ACO2: variants seen among roughly 807,000 people sequenced by gnomAD.
ACO2 encodes the protein aconitate hydratase, mitochondrial.
In ACO2, 31 loss-of-function variants were observed where a neutral mutation model predicts 84.5. The observed-to-expected ratio is 0.37, with a 90% CI of 0.28 to 0.50. The LOEUF (loss-of-function observed/expected upper bound fraction) is 0.50. ACO2 is among the 20% of genes least tolerant of loss of function. ACO2 has a pLI of 0.97. For synonymous variants in ACO2, 414 were observed against 412.7 expected (o/e 1.00, Z -0.04); for missense variants, 685 against 1,029.3 (o/e 0.67, Z 4.58).
At chr22:41,526,505 G>A (rs748125758) in intron 15 of ACO2, 52 bp downstream of exon 15, 4 of 1,564,474 alleles carry the variant, frequency 2.6e-6, no homozygotes, top group Non-Finnish European at 3.5e-6. Context: ...GAAGGGGCCT[G>A]CAAGGCAGGT....
chr22:41,500,938 A>G (rs2066349862), intron 2 of ACO2, among the ~76,000 whole-genome samples: 1 of 151,770 alleles, frequency 6.6e-6, no homozygotes, highest in African/African-American at 2.4e-5. Flanking sequence ...TCCTGACCTC[A>G]GGTGATCCAC....
At chr22:41,524,737 A>C in intron 12 of ACO2, 109 bp from the exon 13 acceptor site, 1 of 1,535,582 alleles carries the variant, frequency 6.5e-7, no homozygotes, top group Non-Finnish European at 8.9e-7. Flanking sequence ...TGGGAAGAAC[A>C]TGGAAATTTC....
chr22:41,526,713 A>C, intron 15 of ACO2: 1 of 434,784 alleles, frequency 2.3e-6, no homozygotes, highest in Admixed American at 3.8e-5. Flanking sequence ...CCCTAGACAA[A>C]GACAAGGAAG....
At chr22:41,517,723 G>T (rs2066486954) in intron 7 of ACO2, 92 bp downstream of exon 7, 6 of 1,164,552 alleles carry the variant, frequency 5.2e-6, no homozygotes, top group Non-Finnish European at 7.6e-6. Flanking sequence ...TAGGGCAGGG[G>T]TTCTTAACCC....
chr22:41,518,629 G>A (rs1023315097), intron 8 of ACO2, 57 bp downstream of exon 8: 13 of 1,356,448 alleles, frequency 9.6e-6, no homozygotes, highest in Admixed American at 1.7e-5. Context: ...GGAGCAGGGC[G>A]GGTCCTGCCT....
At chr22:41,527,579 A>G in intron 16 of ACO2, 159 bp downstream of exon 16, 1 of 1,060,108 alleles carries the variant, frequency 9.4e-7, no homozygotes, top group Non-Finnish European at 1.3e-6. Context: ...CACAGTGCAC[A>G]TCCGACGCTC....
At chr22:41,472,647 C>T (rs1395421413) in intron 1 of ACO2, among the ~76,000 whole-genome samples, 3 of 152,070 alleles carry the variant, frequency 2.0e-5, no homozygotes, top group Non-Finnish European at 1.5e-5. Flanking sequence ...ATGGGGGTCT[C>T]GCTATGTTGC....
At chr22:41,521,679 A>G (rs2066527722) in intron 9 of ACO2, 1 of 152,250 alleles carries the variant, frequency 6.6e-6, no homozygotes, top group Non-Finnish European at 1.5e-5. Flanking sequence ...TTTTAAGAAA[A>G]AAAATATTTG....
chr22:41,469,275 C>A, intron 1 of ACO2, 93 bp downstream of exon 1: 8 of 1,456,474 alleles, frequency 5.5e-6, no homozygotes, highest in Non-Finnish European at 7.4e-6. Flanking sequence ...GCGGGCCCAA[C>A]CTGGGGCCAA....
At chr22:41,528,429 A>G in intron 17 of ACO2, 50 bp from the exon 18 acceptor site, 1 of 1,597,636 alleles carries the variant, frequency 6.3e-7, no homozygotes, top group Non-Finnish European at 8.5e-7. Context: ...TGCGGGGCCA[A>G]GGGCACACAG....
At chr22:41,486,551 A>G (rs968512485) in intron 1 of ACO2, among the ~76,000 whole-genome samples, 2 of 148,360 alleles carry the variant, frequency 1.3e-5, no homozygotes, top group Non-Finnish European at 3.0e-5. Flanking sequence ...GCTCACTGCA[A>G]GCTCCACCTC....
chr22:41,470,528 C>CT (rs71184811), intron 1 of ACO2, among the ~76,000 whole-genome samples: 1,464 of 95,680 alleles, frequency 0.015, 103 homozygotes, highest in Non-Finnish European at 0.021. Flanking sequence ...CTCTTTACAT[C>CT]TTTTTTTTTT....
At chr22:41,505,832 C>G (rs1361620995) in intron 2 of ACO2, among the ~76,000 whole-genome samples, 1 of 152,116 alleles carries the variant, frequency 6.6e-6, no homozygotes, top group African/African-American at 2.4e-5. Context: ...GATTGTGGTG[C>G]TGGTTTCACA....
In ACO2 at chr22:41,515,274, G is replaced by A; in HGVS notation, c.526-103G>A. Reference sequence around the variant, plus strand: ...GGCTGCTCCTACCAGTTCCATCCTGGGAGAGTGGCTGGACGTGGTTGGGAG... The same window carrying A: ...GGCTGCTCCTACCAGTTCCATCCTGAGAGAGTGGCTGGACGTGGTTGGGAG... On this transcript the variant is annotated intron_variant, in intron 4 of 17. Coordinates refer to ENST00000216254, the MANE Select transcript of ACO2 (RefSeq NM_001098.3). This position sits in a 1 kb window ranked among gnomAD's most constrained non-coding sequence, Gnocchi z 5.8. The A allele has an allele frequency of 7.3e-7, 1 of 1,371,594 alleles. No homozygotes were observed. The highest frequency in any genetic ancestry group is 1.0e-6 in the Non-Finnish European group (1 of 966,954). The allele number at this position is 1,371,594 out of a possible 1,614,324, so 85.0% of individuals were successfully genotyped here.
At chr22:41,492,696 C>T (rs2066280492) in intron 1 of ACO2, among the ~76,000 whole-genome samples, 1 of 152,100 alleles carries the variant, frequency 6.6e-6, no homozygotes, top group South Asian at 2.1e-4. Context: ...TCGCTTGAAC[C>T]TGGGAGGCAG....
intron 1 of ACO2, among the ~76,000 whole-genome samples, chr22:41,485,015 T>C (rs2038135295): frequency 6.6e-6 from 1 of 151,432 alleles, no homozygotes; most frequent in African/African-American, 2.4e-5. Flanking sequence ...GCTGGGATTA[T>C]AGGCGTGTGC....
At chr22:41,527,480 T>A in intron 16 of ACO2, 60 bp downstream of exon 16, 1 of 1,548,058 alleles carries the variant, frequency 6.5e-7, no homozygotes, top group Non-Finnish European at 8.7e-7. Context: ...AAGGTCACTC[T>A]CCCTGCCCGT....
chr22:41,521,090 A>G (rs1231399477), intron 9 of ACO2, among the ~76,000 whole-genome samples: 3 of 151,786 alleles, frequency 2.0e-5, no homozygotes, highest in Non-Finnish European at 4.4e-5. Context: ...TTTTCTTGGC[A>G]GAAAAGAAAA....
At chr22:41,525,846 T>C (rs1388099171) in intron 14 of ACO2, 1 of 197,070 alleles carries the variant, frequency 5.1e-6, no homozygotes, top group Admixed American at 5.4e-5. Flanking sequence ...TATTTATTTA[T>C]GCTGCTTATT....
Sources: gnomAD v4.1 joint callset for allele counts (sites outside exome capture counted in the v4.1 genomes callset) on GRCh38, gnomAD v4.1.1 for gene constraint, Gnocchi (gnomAD v3.1) non-coding constraint, MANE v1.5 for transcripts, NCBI Gene and HGNC (gene_info 2026-07-23, HGNC 2026-07-21) for gene names.